Variants in ONECUT1 observed in about 807,000 individuals in gnomAD.
ONECUT1 encodes hepatocyte nuclear factor 6.
ONECUT1 carries 12 observed loss-of-function variants against 25.6 expected under a neutral mutation model. The observed-to-expected ratio is 0.47, with a 90% CI of 0.30 to 0.76. The LOEUF (loss-of-function observed/expected upper bound fraction) is 0.76, where lower values mean the gene tolerates loss of function less well. ONECUT1 is among the 30% of genes least tolerant of loss of function. ONECUT1 has a pLI of 0.07. For synonymous variants in ONECUT1, 285 were observed against 270.2 expected, an observed-to-expected ratio of 1.05 and a Z score of -0.54; for missense variants, 620 against 651.2, an observed-to-expected ratio of 0.95 and a Z score of 0.52.
At chr15:52,761,115 G>GT (rs2083703527) in intron 1 of ONECUT1, among the ~76,000 whole-genome samples, 1 of 152,036 alleles carries the variant, frequency 6.6e-6, no homozygotes. Context: ...AAATGTGTTG[G>GT]TTTAAGGACC....
chr15:52,789,537 G>T lies in ONECUT1; in HGVS notation c.348C>A (p.Ser116=). 1 of 1,604,968 alleles carries T rather than the reference G, an allele frequency of 6.2e-7. No homozygotes were observed. Among genetic ancestry groups the T allele is most frequent in the Non-Finnish European group, 8.5e-7 (1 of 1,175,040 alleles). The change falls in exon 1 of 2, where the codon TCC becomes TCA. Residue 116 remains serine, a synonymous_variant. Coordinates refer to ENST00000305901, the MANE Select transcript of ONECUT1 (RefSeq NM_004498.4). The surrounding 1 kb of genome is among the most constrained non-coding windows in gnomAD (Gnocchi z 4.1). The part of the protein sequence containing the change: ...LTPLQPLPPI[S]TVSDKFPHHH... ...GGTGGGGGAACTTGTCCGAGACTGT[G>T]GAGATGGGAGGCAGCGGCTGCAGAG...
intron 1 of ONECUT1, among the ~76,000 whole-genome samples, chr15:52,762,876 G>C (rs2083713753): frequency 6.6e-6 from 1 of 152,114 alleles, no homozygotes; most frequent in Non-Finnish European, 1.5e-5. Flanking sequence ...TGTGAGAGCT[G>C]AAATTTCCAC....
intron 1 of ONECUT1, among the ~76,000 whole-genome samples, chr15:52,761,268 C>G (rs2083704373): frequency 6.6e-6 from 1 of 152,172 alleles, no homozygotes; most frequent in African/African-American, 2.4e-5. Flanking sequence ...TCCTTCACCA[C>G]CCCCAGGGGG....
At chr15:52,780,267 A>G (rs1230031989) in intron 1 of ONECUT1, among the ~76,000 whole-genome samples, 1 of 152,218 alleles carries the variant, frequency 6.6e-6, no homozygotes, top group Non-Finnish European at 1.5e-5. Context: ...AATTTTGTGC[A>G]GGAATGCTGA....
intron 1 of ONECUT1, among the ~76,000 whole-genome samples, chr15:52,786,841 C>A (rs940372798): frequency 6.2e-5 from 1 of 16,128 alleles, no homozygotes; most frequent in Non-Finnish European, 1.4e-4. Context: ...CTCCAGGGGG[C>A]GGGGGTGGGG....
rs1460893061 is a variant in ONECUT1, at chr15:52,757,764, G to A, written c.1189C>T (p.Arg397Cys). Residue 397 changes from arginine to cysteine, a missense_variant, in exon 2 of 2, where the codon CGT (arginine) becomes TGT (cysteine). By Grantham distance (180) the Arg-to-Cys change is radical (BLOSUM62 -3). Around this residue, in one of 4 missense-constraint regions of ONECUT1, gnomAD observed 146 missense variants for 201.8 expected, o/e 0.72. Transcript: ENST00000305901. The stretch of plus-strand genomic sequence containing the variant: ...TTGAATATTGCATGTAGAGTTCGAC[G>A]CTGGACATCTGTGAAGACCAACCTG... ...KPRLVFTDVQRRTLHAIFKEN... is the reference protein window; with the variant it reads ...KPRLVFTDVQCRTLHAIFKEN... 2.5e-6 allele frequency: 4 copies of A among 1,614,056 alleles called. No homozygotes were observed. Among genetic ancestry groups the A allele is most frequent in the South Asian group, 1.1e-5 (1 of 91,088 alleles).
At chr15:52,774,976 G>A (rs931354463) in intron 1 of ONECUT1, among the ~76,000 whole-genome samples, 1 of 152,152 alleles carries the variant, frequency 6.6e-6, no homozygotes, top group Non-Finnish European at 1.5e-5. Flanking sequence ...GATCACCTGA[G>A]GTCAGGAGTT....
chr15:52,768,735 C>T (rs1014869441), intron 1 of ONECUT1, among the ~76,000 whole-genome samples: 3 of 152,180 alleles, frequency 2.0e-5, no homozygotes. Context: ...AGTCATCAGA[C>T]ATTTTCTCTA....
rs188992486 is a variant in ONECUT1 at position 52,767,483 on chromosome 15, C to T, written c.1106-9636G>A. Among the ~76,000 whole-genome samples the T allele has an allele frequency of 2.5e-3, 384 of 152,272 alleles. 3 individuals are homozygous for T. The highest frequency in any genetic ancestry group is 8.8e-3 in the African/African-American group (365 of 41,542). ...GCATCGTCCTCTCGCTGGTCATTCACGCGCATGTGCACACACTTTCCTGAG... is the reference window on the plus strand; with the variant it reads ...GCATCGTCCTCTCGCTGGTCATTCATGCGCATGTGCACACACTTTCCTGAG... On this transcript the variant is annotated intron_variant, in intron 1 of 1. Transcript: ENST00000305901.
chr15:52,760,961 G>C (rs976006777), intron 1 of ONECUT1, among the ~76,000 whole-genome samples: 2 of 106,364 alleles, frequency 1.9e-5, no homozygotes, highest in African/African-American at 7.2e-5. Context: ...CTGCTGGAAG[G>C]GTTGGTGACA....
At chr15:52,776,720 T>C (rs2083803414) in intron 1 of ONECUT1, among the ~76,000 whole-genome samples, 1 of 152,250 alleles carries the variant, frequency 6.6e-6, no homozygotes, top group African/African-American at 2.4e-5. Context: ...TTTTCCTGCA[T>C]GCTTCCTCCC....
chr15:52,757,966 T>C, intron 1 of ONECUT1, 119 bp from the exon 2 acceptor site: 1 of 1,088,634 alleles, frequency 9.2e-7, no homozygotes, highest in Non-Finnish European at 1.3e-6. Context: ...TTTGCTGACC[T>C]CTGCTTTAAG....
chr15:52,774,563 G>C (rs911834909), intron 1 of ONECUT1, among the ~76,000 whole-genome samples: 1 of 152,114 alleles, frequency 6.6e-6, no homozygotes, highest in African/African-American at 2.4e-5. Context: ...CCCTCCCAAA[G>C]TGCTGGGATA....
At position 52,789,423 on chromosome 15, in the gene ONECUT1, A is replaced by C. The variant is rs760965071; in HGVS notation, c.462T>G (p.Asp154Glu). Residue 154 changes from aspartate to glutamate, a missense_variant, in exon 1 of 2, where the codon GAT becomes GAG. Coordinates refer to ENST00000305901, the MANE Select transcript of ONECUT1 (RefSeq NM_004498.4). This position sits in a 1 kb window ranked among gnomAD's most constrained non-coding sequence, Gnocchi z 4.1. Reference protein sequence around the residue: ...NVSGSFTLMRDERGLASMNNL... With the variant: ...NVSGSFTLMREERGLASMNNL... ...TATTCATGGAGGCCAGCCCGCGCTC[A>C]TCCCGCATGAGCGTGAAGCTACCGC... is the stretch of plus-strand genomic sequence containing the variant. 12 of 1,613,924 alleles carry C rather than the reference A, an allele frequency of 7.4e-6. No individual in the cohort carries two copies. The East Asian group carries it at 2.7e-4, about 36-fold the overall frequency.
At chr15:52,763,290 A>T (rs1261494987) in intron 1 of ONECUT1, among the ~76,000 whole-genome samples, 1 of 152,160 alleles carries the variant, frequency 6.6e-6, no homozygotes, top group East Asian at 1.9e-4. Flanking sequence ...AGGTCACCCA[A>T]AGTGAGTACC....
At position 52,755,183 on chromosome 15, in the gene ONECUT1, A is replaced by T. The variant is rs796845623; in HGVS notation, c.*2372T>A. On this transcript the variant is annotated 3_prime_UTR_variant, in exon 2 of 2. Coordinates refer to ENST00000305901, the MANE Select transcript of ONECUT1 (RefSeq NM_004498.4). ...CTTGAATTTCCCTGCATTTAGAATT[A>T]TCACGTTTTAAATAAATAAGGCTTT... 1.1e-3 allele frequency among the ~76,000 whole-genome samples: 172 copies of T among 152,258 alleles called. No homozygotes were observed. The highest frequency in any genetic ancestry group is 3.9e-3 in the African/African-American group (163 of 41,546).
At chr15:52,761,729 GAGA>G (rs2083707113) in intron 1 of ONECUT1, among the ~76,000 whole-genome samples, 1 of 152,186 alleles carries the variant, frequency 6.6e-6, no homozygotes, top group South Asian at 2.1e-4. Context: ...GGCAGAATCG[GAGA>G]AGAACTTCTT....
Position 52,757,508 on chromosome 15 carries a change from T to C in ONECUT1, c.*47A>G. On this transcript the variant is annotated 3_prime_UTR_variant, in exon 2 of 2. Transcript: ENST00000305901. ...AGGTCCTGGTCTTTTAAAAATTTTT[T>C]TTAATTTAAAGCTTTTCCACCGAGG... The C allele has an allele frequency of 6.5e-7, 1 of 1,548,876 alleles. No individual in the cohort carries two copies. Among genetic ancestry groups the C allele is most frequent in the Non-Finnish European group, 8.7e-7 (1 of 1,152,936 alleles).
intron 1 of ONECUT1, among the ~76,000 whole-genome samples, chr15:52,783,680 C>T (rs1250688283): frequency 6.6e-6 from 1 of 152,236 alleles, no homozygotes; most frequent in Non-Finnish European, 1.5e-5. Flanking sequence ...GCCAATCCGC[C>T]GGGTATTATA....
Sources: allele counts gnomAD v4.1 joint callset (sites outside exome capture counted in the v4.1 genomes callset), GRCh38; gene constraint gnomAD v4.1.1; regional missense constraint gnomAD v4.1.1; non-coding constraint Gnocchi (gnomAD v3.1); transcripts MANE v1.5; gene names NCBI Gene and HGNC (gene_info 2026-07-23, HGNC 2026-07-21).